EXOC2: variants seen among roughly 807,000 people sequenced by gnomAD.
EXOC2 encodes the protein SEC5-like 1.
A neutral mutation model predicts 131.8 loss-of-function variants in EXOC2; 70 were observed. The ratio of observed to expected loss-of-function variants is 0.53; its 90% CI spans 0.44 to 0.65. The LOEUF is 0.65. Ranked by LOEUF, EXOC2 falls within the 30% of genes least tolerant of loss-of-function variation. The pLI, the probability that EXOC2 is intolerant of heterozygous loss-of-function variation, is 0.00. For missense variants in EXOC2, 923 were observed against 1,108.6 expected (o/e 0.83, Z 2.38); for synonymous variants, 411 against 398.4 (o/e 1.03, Z -0.38).
At chr6:619,692 A>T (rs1213433178) in intron 4 of EXOC2, 149 bp from the exon 5 acceptor site, 1 of 531,308 alleles carries the variant, frequency 1.9e-6, no homozygotes. Context: ...ATGTTTGTAT[A>T]TATGTACAAA....
chr6:545,724 G>C (rs1756814086), intron 22 of EXOC2, among the ~76,000 whole-genome samples: 1 of 152,158 alleles, frequency 6.6e-6, no homozygotes, highest in South Asian at 2.1e-4. Context: ...ATCTACTTCA[G>C]GATTCTATCG....
rs1761886779 is a variant in EXOC2 at position 632,102 on chromosome 6, A to G, written c.295+839T>C. Reference sequence around the variant, plus strand: ...GGACCACAAAGATGAATCTGACATTACTCTTATTCTAAAAAGGGAAAGAGA... The same window carrying G: ...GGACCACAAAGATGAATCTGACATTGCTCTTATTCTAAAAAGGGAAAGAGA... On this transcript the variant is annotated intron_variant, in intron 3 of 27. Coordinates refer to ENST00000230449, the MANE Select transcript of EXOC2 (RefSeq NM_018303.6). Among the ~76,000 whole-genome samples, 3 of 152,176 alleles carry G rather than the reference A, an allele frequency of 2.0e-5. No homozygotes were observed. The South Asian group carries it at 6.2e-4, about 32-fold the overall frequency.
At chr6:692,184 A>G (rs1266826236) in intron 1 of EXOC2, among the ~76,000 whole-genome samples, 2 of 152,256 alleles carry the variant, frequency 1.3e-5, no homozygotes, top group Non-Finnish European at 2.9e-5. Context: ...TGTTCCTTGT[A>G]AGTTTACTCA....
intron 17 of EXOC2, among the ~76,000 whole-genome samples, chr6:557,617 C>CAAAAAAAAA (rs59474432): frequency 5.4e-5 from 6 of 111,098 alleles, no homozygotes; most frequent in Admixed American, 9.7e-5. Context: ...GACTTCATCT[C>CAAAAAAAAA]AAAAAAAAAA....
At chr6:571,135 C>G (rs755820816) in intron 13 of EXOC2, among the ~76,000 whole-genome samples, 3 of 152,184 alleles carry the variant, frequency 2.0e-5, no homozygotes, top group African/African-American at 4.8e-5. Flanking sequence ...ACCTGACGTT[C>G]GTTTCATGGA....
chr6:603,508 T>C (rs1760218947), intron 7 of EXOC2, among the ~76,000 whole-genome samples: 1 of 152,310 alleles, frequency 6.6e-6, no homozygotes, highest in South Asian at 2.1e-4. Context: ...TCAGTATCTC[T>C]TCACCTCCAA....
At chr6:551,896 G>T (rs892488495) in intron 21 of EXOC2, among the ~76,000 whole-genome samples, 5 of 152,168 alleles carry the variant, frequency 3.3e-5, no homozygotes, top group African/African-American at 1.2e-4. Flanking sequence ...TGCTACTGGT[G>T]AGCCCATAAA....
Position 610,108 on chromosome 6 carries a change from A to C in EXOC2, c.732T>G (p.Asn244Lys), listed in dbSNP as rs779694022. The change falls in exon 7 of 28, where the codon AAT (asparagine) becomes AAG (lysine). Residue 244 changes from asparagine to lysine, a missense_variant. Transcript: ENST00000230449. Reference sequence around the variant, plus strand: ...TAGGACAAAACTTACTGTTCAGAACATTCTCCAGTTTCTGCGTCATGGATC... The same window carrying C: ...TAGGACAAAACTTACTGTTCAGAACCTTCTCCAGTTTCTGCGTCATGGATC... The part of the protein sequence containing the change: ...VEGSMTQKLE[N>K]VLNRASNTAD... 1 of 1,614,062 alleles carries C rather than the reference A, an allele frequency of 6.2e-7. No homozygotes were observed. Among genetic ancestry groups the C allele is most frequent in the South Asian group, 1.1e-5 (1 of 91,064 alleles).
chr6:668,160 T>C (rs1019364201), intron 1 of EXOC2, among the ~76,000 whole-genome samples: 2 of 150,306 alleles, frequency 1.3e-5, no homozygotes, highest in Non-Finnish European at 3.0e-5. Flanking sequence ...TCTTGCTCCG[T>C]GTTCTCTGGG....
At chr6:598,465 T>G (rs1759943568) in intron 9 of EXOC2, among the ~76,000 whole-genome samples, 1 of 152,220 alleles carries the variant, frequency 6.6e-6, no homozygotes, top group South Asian at 2.1e-4. Context: ...GCATTAGACA[T>G]AACTTCAAAA....
chr6:613,895 TAAATA>T (rs1194274287), intron 6 of EXOC2, among the ~76,000 whole-genome samples: 1 of 151,130 alleles, frequency 6.6e-6, no homozygotes, highest in African/African-American at 2.4e-5. Context: ...AATAAATAAA[TAAATA>T]AAATAAAATA....
intron 4 of EXOC2, among the ~76,000 whole-genome samples, chr6:624,738 G>A (rs1761465308): frequency 6.6e-6 from 1 of 152,224 alleles, no homozygotes; most frequent in South Asian, 2.1e-4. Flanking sequence ...GCTTTCAAAT[G>A]AAGAGAATTG....
At chr6:592,683 G>A (rs1759607654) in intron 10 of EXOC2, 96 bp from the exon 11 acceptor site, 1 of 827,036 alleles carries the variant, frequency 1.2e-6, no homozygotes. Context: ...AATTAGTCTT[G>A]TGCCCTGTCA....
chr6:487,888 G>C (rs1053003737), intron 27 of EXOC2, among the ~76,000 whole-genome samples: 1 of 152,192 alleles, frequency 6.6e-6, no homozygotes. Flanking sequence ...GGCCATTTCA[G>C]GGTGTGTATT....
chr6:594,356 T>C (rs1482545586), intron 10 of EXOC2, among the ~76,000 whole-genome samples: 6 of 152,224 alleles, frequency 3.9e-5, no homozygotes, highest in Non-Finnish European at 8.8e-5. Context: ...ATTCTATGCT[T>C]TCTTGCTGGG....
At chr6:587,279 C>T (rs1581499118) in intron 11 of EXOC2, among the ~76,000 whole-genome samples, 1 of 149,840 alleles carries the variant, frequency 6.7e-6, no homozygotes. Flanking sequence ...GAGTCTTGCT[C>T]TGTCGCCCAG....
chr6:605,153 T>C (rs1760331242), intron 7 of EXOC2, among the ~76,000 whole-genome samples: 3 of 152,212 alleles, frequency 2.0e-5, no homozygotes, highest in Admixed American at 6.5e-5. Context: ...CCAGTATTCT[T>C]ACTACTCAGA....
At chr6:603,140 G>A (rs1245907436) in intron 7 of EXOC2, among the ~76,000 whole-genome samples, 1 of 152,150 alleles carries the variant, frequency 6.6e-6, no homozygotes, top group Non-Finnish European at 1.5e-5. Flanking sequence ...CTGTGAATTG[G>A]AGAGGTCAGA....
intron 23 of EXOC2, among the ~76,000 whole-genome samples, chr6:504,410 C>T (rs780185805): frequency 1.3e-5 from 2 of 152,284 alleles, no homozygotes; most frequent in Non-Finnish European, 1.5e-5. Context: ...TGGCTCCTGG[C>T]GGCAGGACCA....
Sources: gnomAD v4.1 joint callset for allele counts (sites outside exome capture counted in the v4.1 genomes callset) on GRCh38, gnomAD v4.1.1 for gene constraint, MANE v1.5 for transcripts, NCBI Gene and HGNC (gene_info 2026-07-23, HGNC 2026-07-21) for gene names.